Variants in ADAMTS17 observed in about 807,000 individuals in gnomAD.
ADAMTS17 encodes the protein ADAM metallopeptidase with thrombospondin type 1 motif 17.
Under a neutral mutation model 141.5 loss-of-function variants are expected in ADAMTS17, and 113 were observed. That is an observed-to-expected ratio of 0.80 (90% CI 0.69 to 0.93). The LOEUF (loss-of-function observed/expected upper bound fraction) is 0.93, where lower values mean the gene tolerates loss of function less well. Among genes scored for constraint, ADAMTS17 ranks in the 40% least tolerant of loss-of-function variants. The pLI, the probability that ADAMTS17 is intolerant of heterozygous loss-of-function variation, is 0.00. For missense variants in ADAMTS17, 1,659 were observed against 1,517.9 expected (o/e 1.09, Z -1.54); for synonymous variants, 768 against 630.6 (o/e 1.22, Z -3.27).
chr15:100,095,660 C>G (rs1480206510), intron 15 of ADAMTS17, among the ~76,000 whole-genome samples: 3 of 152,196 alleles, frequency 2.0e-5, no homozygotes, highest in East Asian at 1.9e-4. Flanking sequence ...CTCGTGCTCC[C>G]CTCACTAGGT....
chr15:100,278,651 C>T lies in ADAMTS17; in HGVS notation c.789+2578G>A, dbSNP rs74039164. 1.7e-3 allele frequency among the ~76,000 whole-genome samples: 253 copies of T among 152,278 alleles called. 1 individual carries two copies. The highest frequency in any genetic ancestry group is 5.7e-3 in the African/African-American group (237 of 41,546). ...GGCATGGCGGAGATAGAGGGAGTTT[C>T]CTGCAGAGAGAGGCATGTCCCGAAA... On this transcript the variant is annotated intron_variant, in intron 4 of 21. Coordinates refer to ENST00000268070, the MANE Select transcript of ADAMTS17 (RefSeq NM_139057.4).
chr15:100,160,865 T>C (rs1209599768), intron 8 of ADAMTS17, among the ~76,000 whole-genome samples: 2 of 152,258 alleles, frequency 1.3e-5, no homozygotes, highest in East Asian at 1.9e-4. Flanking sequence ...GGGAGGAGCC[T>C]TGATACTTGA....
chr15:100,255,119 G>A (rs1344311292), intron 6 of ADAMTS17, among the ~76,000 whole-genome samples: 1 of 152,174 alleles, frequency 6.6e-6, no homozygotes, highest in Non-Finnish European at 1.5e-5. Flanking sequence ...TCCAGCCCTG[G>A]TTCTGCAAGT....
intron 8 of ADAMTS17, among the ~76,000 whole-genome samples, chr15:100,160,552 A>C (rs2039643416): frequency 6.6e-6 from 1 of 152,192 alleles, no homozygotes; most frequent in Non-Finnish European, 1.5e-5. Context: ...TGGCCAGAGA[A>C]CCTGGTGATT....
At chr15:100,335,048 C>CA (rs1567550907) in intron 2 of ADAMTS17, among the ~76,000 whole-genome samples, 1 of 152,128 alleles carries the variant, frequency 6.6e-6, no homozygotes. Context: ...CAGTGACCCT[C>CA]AGAGTGCCCT....
intron 17 of ADAMTS17, 90 bp from the exon 18 acceptor site, chr15:100,049,082 G>A: frequency 6.3e-7 from 1 of 1,588,098 alleles, no homozygotes; most frequent in Middle Eastern, 1.7e-4. Context: ...ATGTTTGGGT[G>A]CTGCTGATGG....
At chr15:100,169,446 G>C (rs1051268298) in intron 8 of ADAMTS17, among the ~76,000 whole-genome samples, 1 of 152,208 alleles carries the variant, frequency 6.6e-6, no homozygotes, top group Admixed American at 6.5e-5. Flanking sequence ...TGTTTTCAAT[G>C]TGAAAATCAC....
chr15:100,304,104 C>T (rs1048273342), intron 3 of ADAMTS17, among the ~76,000 whole-genome samples: 4 of 152,216 alleles, frequency 2.6e-5, no homozygotes, highest in African/African-American at 9.7e-5. Flanking sequence ...GCAGTGATGT[C>T]TTCAGACAAT....
chr15:100,171,409 C>G (rs1171250818), intron 8 of ADAMTS17, among the ~76,000 whole-genome samples: 1 of 152,182 alleles, frequency 6.6e-6, no homozygotes, highest in Non-Finnish European at 1.5e-5. Flanking sequence ...CTCCTCCATC[C>G]CACCTCGCAG....
intron 7 of ADAMTS17, among the ~76,000 whole-genome samples, chr15:100,241,906 G>T (rs1243742747): frequency 6.6e-6 from 1 of 152,190 alleles, no homozygotes; most frequent in Non-Finnish European, 1.5e-5. Flanking sequence ...CTAAATAGTA[G>T]CCAGGCCCAG....
chr15:100,224,888 C>A (rs1326285743), intron 7 of ADAMTS17, among the ~76,000 whole-genome samples: 1 of 152,220 alleles, frequency 6.6e-6, no homozygotes, highest in Non-Finnish European at 1.5e-5. Context: ...AAGGAAGCTG[C>A]GAAGCTTGTC....
chr15:100,159,065 G>T (rs28447358), intron 8 of ADAMTS17, among the ~76,000 whole-genome samples: 19 of 152,162 alleles, frequency 1.2e-4, no homozygotes, highest in Middle Eastern at 3.4e-3. Context: ...CAGTATGGAG[G>T]TTCCTCAAAA....
At chr15:100,271,806 A>G (rs2043922695) in intron 4 of ADAMTS17, among the ~76,000 whole-genome samples, 2 of 152,174 alleles carry the variant, frequency 1.3e-5, no homozygotes, top group South Asian at 4.2e-4. Context: ...AATCACTGCC[A>G]AATCAAATCT....
At chr15:100,015,140 G>C (rs1579596) in intron 18 of ADAMTS17, among the ~76,000 whole-genome samples, 1 of 152,200 alleles carries the variant, frequency 6.6e-6, no homozygotes, top group South Asian at 2.1e-4. Context: ...TTTTAACTGC[G>C]GCTGCTTTAA....
chr15:100,274,542 A>C (rs1438333633), intron 4 of ADAMTS17, among the ~76,000 whole-genome samples: 3 of 152,272 alleles, frequency 2.0e-5, no homozygotes, highest in Admixed American at 2.0e-4. Flanking sequence ...TTTCACTTTC[A>C]ACCTCTGTGT....
Position 100,155,319 on chromosome 15 carries a change from A to T in ADAMTS17, c.1183T>A (p.Leu395Met), listed in dbSNP as rs2141372073. ...FTIAHELGHN[L>M]GMNHDDDHSS... Reference sequence around the variant, plus strand: ...TGGTCATCGTCGTGGTTCATGCCCAAGCTGTCCAAGAAGGAGGAGAGAGGG... The same window carrying T: ...TGGTCATCGTCGTGGTTCATGCCCATGCTGTCCAAGAAGGAGGAGAGAGGG... The change falls in exon 9 of 22, where the codon TTG (leucine) becomes ATG (methionine). Residue 395 changes from leucine (L) to methionine (M), a missense_variant and splice_region_variant. Physicochemically the swap from Leu to Met is conservative, Grantham distance 15 (BLOSUM62 2). Coordinates refer to ENST00000268070, the MANE Select transcript of ADAMTS17 (RefSeq NM_139057.4). 1.9e-6 allele frequency: 3 copies of T among 1,613,546 alleles called. No individual in the cohort carries two copies. The Admixed American group carries it at 5.0e-5, about 27-fold the overall frequency.
intron 4 of ADAMTS17, among the ~76,000 whole-genome samples, chr15:100,277,038 G>T (rs751744706): frequency 6.6e-6 from 1 of 152,096 alleles, no homozygotes; most frequent in African/African-American, 2.4e-5. Context: ...TGTGCAAGGG[G>T]GCTGACGACT....
At chr15:100,085,200 A>C (rs2035017069) in intron 15 of ADAMTS17, among the ~76,000 whole-genome samples, 4 of 152,208 alleles carry the variant, frequency 2.6e-5, no homozygotes, top group Admixed American at 2.6e-4. Flanking sequence ...ACAAATGCAC[A>C]AGGCCTCAGT....
intron 21 of ADAMTS17, among the ~76,000 whole-genome samples, chr15:99,975,520 A>G (rs986736488): frequency 6.6e-5 from 10 of 151,980 alleles, no homozygotes; most frequent in Non-Finnish European, 1.5e-4. Flanking sequence ...CAGATCTTTA[A>G]GTGCTCTTCT....
Sources: gnomAD v4.1 joint callset for allele counts (sites outside exome capture counted in the v4.1 genomes callset) on GRCh38, gnomAD v4.1.1 for gene constraint, MANE v1.5 for transcripts, NCBI Gene and HGNC (gene_info 2026-07-23, HGNC 2026-07-21) for gene names.